Variants in GPC2 observed in about 807,000 individuals in gnomAD.
The protein encoded by GPC2 is glypican-2.
GPC2 carries 42 observed loss-of-function variants against 57.3 expected under a neutral mutation model. The ratio of observed to expected loss-of-function variants is 0.73; its 90% confidence interval spans 0.57 to 0.95. GPC2 has a LOEUF of 0.95. Among genes scored for constraint, GPC2 ranks in the 40% least tolerant of loss-of-function variants. The pLI is 0.00. For missense variants in GPC2, 745 were observed against 793.6 expected (o/e 0.94, Z 0.74); for synonymous variants, 364 against 343.4 (o/e 1.06, Z -0.66).
chr7:100,172,220 T>G lies in GPC2; in HGVS notation c.893-3A>C. ...ATCAGCCAGGATCAGGAGACCATCT[T>G]AAGGGAGGGAGAGAAAGAGAAAGGA... On this transcript the variant is annotated splice_polypyrimidine_tract_variant and splice_region_variant and intron_variant, in intron 5 of 9. Coordinates refer to ENST00000292377, the MANE Select transcript of GPC2 (RefSeq NM_152742.3). 6.2e-7 allele frequency: 1 copy of G among 1,613,698 alleles called. No homozygotes were observed. Among genetic ancestry groups the G allele is most frequent in the Non-Finnish European group, 8.5e-7 (1 of 1,179,880 alleles).
chr7:100,172,379 C>G (rs1799193489), intron 5 of GPC2, among the ~76,000 whole-genome samples, 162 bp from the exon 6 acceptor site: 1 of 151,998 alleles, frequency 6.6e-6, no homozygotes, highest in Non-Finnish European at 1.5e-5. Context: ...TTTAAAGCCC[C>G]TCTCCATTTC....
intron 5 of GPC2, among the ~76,000 whole-genome samples, chr7:100,172,687 A>ATATATATATATGTGTGTGTGTGTG (rs1562957583): frequency 6.8e-6 from 1 of 146,380 alleles, no homozygotes; most frequent in South Asian, 2.1e-4. Context: ...GTGTGTGTGT[A>ATATATATATATGTGTGTGTGTGTG]TATATATATA....
rs1340029123 is a variant in GPC2, at chr7:100,171,784, G to A, written c.1165C>T (p.Arg389Trp). The change falls in exon 7 of 10, where the codon CGG becomes TGG. Residue 389 changes from arginine (R) to tryptophan (W), a missense_variant. By Grantham distance (101) the Arg-to-Trp change is moderately radical. Transcript: ENST00000292377. This position sits in a 1 kb window ranked among gnomAD's most constrained non-coding sequence, Gnocchi z 4.8. ...PTTAAGTNLH[R>W]LVWELRERLA... ...CTCTTGGTCATCCCACGCACCAGCC[G>A]GTGCAGGTTGGTGCCTGCGGCCGTC... is the stretch of plus-strand genomic sequence containing the variant. 16 of 1,505,110 alleles carry A rather than the reference G, an allele frequency of 1.1e-5. No individual in the cohort carries two copies. The highest frequency in any genetic ancestry group is 1.3e-5 in the Non-Finnish European group (15 of 1,128,718). The allele number at this position is 1,505,110 out of a possible 1,614,324, so 93.2% of individuals were successfully genotyped here. A position where few individuals can be genotyped will look rare whatever the true frequency, so the allele number is the denominator to read the frequency against.
At chr7:100,175,098 T>A (rs1799245016) in intron 3 of GPC2, among the ~76,000 whole-genome samples, 1 of 152,226 alleles carries the variant, frequency 6.6e-6, no homozygotes, top group South Asian at 2.1e-4. Context: ...GCTGAAAAGC[T>A]TAATCTCTGG....
chr7:100,177,314 C>T lies in GPC2; in HGVS notation c.-115G>A, dbSNP rs907048081. On this transcript the variant is annotated 5_prime_UTR_variant, in exon 1 of 10. Transcript: ENST00000292377. ...CGCTCCGCGGGCCAGAGAAAGAGCG[C>T]TGCTCCGGAAAACTGAATACCGAGC... 6.7e-6 allele frequency: 6 copies of T among 902,070 alleles called. No individual in the cohort carries two copies. The highest frequency in any genetic ancestry group is 1.7e-5 in the African/African-American group (1 of 58,706). The allele number at this position is 902,070 out of a possible 1,614,324, so 55.9% of individuals were successfully genotyped here. A position where few individuals can be genotyped will look rare whatever the true frequency, so the allele number is the denominator to read the frequency against.
chr7:100,171,033 C>G lies in GPC2; in HGVS notation c.1486+228G>C. 2 of 434,516 alleles carry G rather than the reference C, an allele frequency of 4.6e-6. No homozygotes were observed. Among genetic ancestry groups the G allele is most frequent in the Non-Finnish European group, 8.0e-6 (2 of 249,568 alleles). 26.9% of individuals were successfully genotyped at this position (434,516 alleles called of 1,614,324 possible). Reference sequence around the variant, plus strand: ...CCATTATAAGGGGCTTCCCACTGTTCTTTAAGAATGTTTTCGTGTCTCCCC... The same window carrying G: ...CCATTATAAGGGGCTTCCCACTGTTGTTTAAGAATGTTTTCGTGTCTCCCC... On this transcript the variant is annotated intron_variant, in intron 9 of 9. Coordinates refer to ENST00000292377, the MANE Select transcript of GPC2 (RefSeq NM_152742.3). The surrounding 1 kb of genome is among the most constrained non-coding windows in gnomAD (Gnocchi z 4.8).
At position 100,172,685 on chromosome 7, in the gene GPC2, G is replaced by GTATATATATATATGTGTGTGTGTGTA. The variant is rs753976401; in HGVS notation, c.893-469_893-468insTACACACACACACATATATATATATA. On this transcript the variant is annotated intron_variant, in intron 5 of 9. Transcript: ENST00000292377. ...TATATATATATATGTGTGTGTGTGT[G>GTATATATATATATGTGTGTGTGTGTA]TATATATATATACGTGTATATATAT... 2.2e-3 allele frequency among the ~76,000 whole-genome samples: 235 copies of GTATATATATATATGTGTGTGTGTGTA among 105,036 alleles called. 1 individual carries two copies. The highest frequency in any genetic ancestry group is 6.4e-3 in the African/African-American group (219 of 34,388). The allele number at this position is 105,036 out of a possible 152,430, so 68.9% of individuals were successfully genotyped here. A position where few individuals can be genotyped will look rare whatever the true frequency, so the allele number is the denominator to read the frequency against.
intron 4 of GPC2, 75 bp from the exon 5 acceptor site, chr7:100,174,072 G>T: frequency 7.4e-7 from 1 of 1,355,352 alleles, no homozygotes; most frequent in Non-Finnish European, 9.8e-7. Flanking sequence ...GCTGGGCACA[G>T]ACAGAAATCA....
intron 1 of GPC2, 96 bp from the exon 2 acceptor site, chr7:100,176,461 C>T (rs2116992501): frequency 1.7e-6 from 2 of 1,158,950 alleles, no homozygotes; most frequent in East Asian, 2.4e-5. Flanking sequence ...TCTCTTCTAC[C>T]TGCCTGGTCT....
chr7:100,170,487 C>A lies in GPC2; in HGVS notation c.1487-4G>T, dbSNP rs202235331. 1.7e-5 allele frequency: 26 copies of A among 1,515,484 alleles called. No homozygotes were observed. The East Asian group carries it at 3.6e-4, about 21-fold the overall frequency. The allele number at this position is 1,515,484 out of a possible 1,614,324, so 93.9% of individuals were successfully genotyped here. On this transcript the variant is annotated splice_region_variant and splice_polypyrimidine_tract_variant and intron_variant, in intron 9 of 9. Coordinates refer to ENST00000292377, the MANE Select transcript of GPC2 (RefSeq NM_152742.3). ...CCAGAGCCGCTGGCATCCTCATCTG[C>A]AAGGAAGAAGAGGGACAGAGCAGGA...
At chr7:100,172,657 G>A (rs1044217730) in intron 5 of GPC2, among the ~76,000 whole-genome samples, 3 of 138,126 alleles carry the variant, frequency 2.2e-5, no homozygotes, top group Non-Finnish European at 4.8e-5. Flanking sequence ...ATATGTGTGT[G>A]TGTATATATA....
chr7:100,177,366 C>T lies in GPC2; in HGVS notation c.-167G>A, dbSNP rs1224349917. On this transcript the variant is annotated 5_prime_UTR_variant, in exon 1 of 10. Transcript: ENST00000292377. Reference sequence around the variant, plus strand: ...CGATAGCTGGACCAGGCGGCATCTGCCGAGACAATGGGAGCGGGGAGCCGG... The same window carrying T: ...CGATAGCTGGACCAGGCGGCATCTGTCGAGACAATGGGAGCGGGGAGCCGG... 3.6e-6 allele frequency: 2 copies of T among 558,446 alleles called. No homozygotes were observed. The highest frequency in any genetic ancestry group is 5.8e-6 in the Non-Finnish European group (2 of 344,362). The allele number at this position is 558,446 out of a possible 1,614,324, so 34.6% of individuals were successfully genotyped here.
chr7:100,176,163 C>T lies in GPC2; in HGVS notation c.325+44G>A, dbSNP rs376853113. ...GGAGCCTTGCTGGGGTCCTAAGCAC[C>T]GAGAGGAGCTGTGAAGCTGAGTTTG... On this transcript the variant is annotated intron_variant, in intron 2 of 9. Transcript: ENST00000292377. 30 of 1,546,096 alleles carry T rather than the reference C, an allele frequency of 1.9e-5. No individual in the cohort carries two copies. In the African/African-American group the frequency reaches 2.0e-4, roughly 11 times the overall value.
At chr7:100,172,801 A>G (rs562747484) in intron 5 of GPC2, among the ~76,000 whole-genome samples, 8 of 147,662 alleles carry the variant, frequency 5.4e-5, no homozygotes, top group African/African-American at 7.5e-5. Flanking sequence ...ACGTATATAT[A>G]TGTGTGTATA....
chr7:100,173,900 C>G lies in GPC2; in HGVS notation c.827G>C (p.Cys276Ser), dbSNP rs1279201519. ...VPSLMPCQGF[C>S]LNVVRGCLSS... ...GAGACAGCCACGAACCACGTTGAGG[C>G]AGAAGCCCTGGCAGGGCATAAGTGA... The change falls in exon 5 of 10, where the codon TGC becomes TCC. Residue 276 changes from cysteine to serine, a missense_variant. Cys to Ser is a moderately radical substitution (Grantham distance 112, BLOSUM62 -1). Coordinates refer to ENST00000292377, the MANE Select transcript of GPC2 (RefSeq NM_152742.3). 6.2e-7 allele frequency: 1 copy of G among 1,605,830 alleles called. No homozygotes were observed.
At position 100,174,806 on chromosome 7, in the gene GPC2, T is replaced by A. The variant is rs372004816; in HGVS notation, c.649-41A>T. 7.7e-5 allele frequency: 115 copies of A among 1,497,750 alleles called. 1 individual carries two copies. The highest frequency in any genetic ancestry group is 6.1e-4 in the Admixed American group (36 of 59,072). 92.8% of individuals were successfully genotyped at this position (1,497,750 alleles called of 1,614,324 possible). On this transcript the variant is annotated intron_variant, in intron 3 of 9. Transcript: ENST00000292377. Reference sequence around the variant, plus strand: ...GAAGGTGAGAAAAACCACAAGGTTGTTATGGGTCAGTCAAGACTGGAGCCA... The same window carrying A: ...GAAGGTGAGAAAAACCACAAGGTTGATATGGGTCAGTCAAGACTGGAGCCA...
At chr7:100,172,649 A>ATATATATATGTGTG (rs776660460) in intron 5 of GPC2, among the ~76,000 whole-genome samples, 5 of 118,144 alleles carry the variant, frequency 4.2e-5, no homozygotes, top group Admixed American at 9.6e-5. Context: ...ATATATATAT[A>ATATATATATGTGTG]TGTGTGTGTG....
In GPC2 at chr7:100,177,235, A is replaced by T; in HGVS notation, c.-36T>A. ...ACCCCAGGACGGCAAAGTGGGTCCT[A>T]AGGAGGAAAGCAGAGCCTCCCAAAC... is the stretch of plus-strand genomic sequence containing the variant. On this transcript the variant is annotated 5_prime_UTR_variant, in exon 1 of 10. It introduces an in-frame stop codon into an upstream open reading frame of the 5' UTR. Transcript: ENST00000292377. The T allele has an allele frequency of 1.3e-6, 2 of 1,576,348 alleles. No individual in the cohort carries two copies. The highest frequency in any genetic ancestry group is 1.7e-6 in the Non-Finnish European group (2 of 1,158,612).
chr7:100,170,245 C>G lies in GPC2; in HGVS notation c.1725G>C (p.Leu575=). 1 of 1,559,898 alleles carries G rather than the reference C, an allele frequency of 6.4e-7. No individual in the cohort carries two copies. The highest frequency in any genetic ancestry group is 8.7e-7 in the Non-Finnish European group (1 of 1,151,282). The change falls in exon 10 of 10, where the codon CTG becomes CTC. Residue 575 remains leucine (L), a synonymous_variant. Coordinates refer to ENST00000292377, the MANE Select transcript of GPC2 (RefSeq NM_152742.3). ...ILILSLSALA[L]LGPR ...CCCTCCCCCGTTATCGAGGTCCAAG[C>G]AGGGCCAGGGCTGAGAGGGAGAGAA...
Sources: gnomAD v4.1 joint callset for allele counts (sites outside exome capture counted in the v4.1 genomes callset) on GRCh38, gnomAD v4.1.1 for gene constraint, Gnocchi (gnomAD v3.1) non-coding constraint, MANE v1.5 for transcripts, NCBI Gene and HGNC (gene_info 2026-07-23, HGNC 2026-07-21) for gene names.